The following CLSTN2 variants were observed in gnomAD, a reference collection of about 807,000 sequenced individuals.
CLSTN2 encodes the protein calsyntenin-2.
In CLSTN2, 48 loss-of-function variants were observed where a neutral mutation model predicts 101.2. That is an observed-to-expected ratio of 0.47 (90% CI 0.38 to 0.60). The LOEUF (loss-of-function observed/expected upper bound fraction) is 0.60. Among genes scored for constraint, CLSTN2 ranks in the 20% least tolerant of loss-of-function variants. The pLI is 0.00. For synonymous variants in CLSTN2, 481 were observed against 463.6 expected (o/e 1.04, Z -0.48); for missense variants, 1,160 against 1,238.2 (o/e 0.94, Z 0.95).
chr3:140,073,949 C>T (rs1191288548), intron 1 of CLSTN2, among the ~76,000 whole-genome samples: 1 of 152,142 alleles, frequency 6.6e-6, no homozygotes, highest in Non-Finnish European at 1.5e-5. Context: ...AAAGCAGACT[C>T]GGCTCTCTGG....
chr3:140,230,554 T>G (rs1406382052), intron 2 of CLSTN2, among the ~76,000 whole-genome samples: 1 of 152,170 alleles, frequency 6.6e-6, no homozygotes, highest in African/African-American at 2.4e-5. Flanking sequence ...AGTGCCTTTA[T>G]AAAACAGACC....
At chr3:140,187,442 C>G (rs746421113) in intron 2 of CLSTN2, among the ~76,000 whole-genome samples, 9 of 152,178 alleles carry the variant, frequency 5.9e-5, no homozygotes, top group Admixed American at 1.3e-4. Context: ...AAAGGCCTTT[C>G]TCTTCTGGCC....
At chr3:140,210,242 G>A (rs2010837728) in intron 2 of CLSTN2, among the ~76,000 whole-genome samples, 1 of 152,158 alleles carries the variant, frequency 6.6e-6, no homozygotes, top group Non-Finnish European at 1.5e-5. Flanking sequence ...CCTTCAGTTT[G>A]CCTGACTCTA....
intron 1 of CLSTN2, among the ~76,000 whole-genome samples, chr3:140,163,898 G>A (rs1374495052): frequency 3.3e-5 from 5 of 151,834 alleles, no homozygotes; most frequent in African/African-American, 1.2e-4. Context: ...TTTGTCAATG[G>A]CAATTACAGA....
intron 2 of CLSTN2, among the ~76,000 whole-genome samples, chr3:140,326,163 A>G (rs2087330611): frequency 6.6e-6 from 1 of 152,170 alleles, no homozygotes; most frequent in Non-Finnish European, 1.5e-5. Flanking sequence ...TGCCACCATT[A>G]TGGCTTTACT....
intron 7 of CLSTN2, among the ~76,000 whole-genome samples, chr3:140,465,127 A>T (rs920403437): frequency 6.6e-6 from 1 of 152,232 alleles, no homozygotes; most frequent in Non-Finnish European, 1.5e-5. Context: ...TAACCAAAAA[A>T]TCAAACTAAT....
intron 2 of CLSTN2, among the ~76,000 whole-genome samples, chr3:140,307,798 A>G (rs2087129574): frequency 6.6e-6 from 1 of 152,166 alleles, no homozygotes; most frequent in African/African-American, 2.4e-5. Flanking sequence ...TGAGCAGAGG[A>G]GTCTGAGTCA....
intron 2 of CLSTN2, among the ~76,000 whole-genome samples, chr3:140,203,745 C>T (rs868351959): frequency 6.6e-6 from 1 of 152,038 alleles, no homozygotes; most frequent in Admixed American, 6.6e-5. Flanking sequence ...CCTGGCAGTG[C>T]TTGTTTTGGA....
At chr3:140,141,995 C>T (rs1315751418) in intron 1 of CLSTN2, among the ~76,000 whole-genome samples, 4 of 152,206 alleles carry the variant, frequency 2.6e-5, no homozygotes, top group Non-Finnish European at 5.9e-5. Context: ...AAAAATGGAA[C>T]TGTTCAACTG....
At chr3:139,945,680 T>C (rs1260883244) in intron 1 of CLSTN2, among the ~76,000 whole-genome samples, 1 of 151,896 alleles carries the variant, frequency 6.6e-6, no homozygotes, top group Non-Finnish European at 1.5e-5. Flanking sequence ...CAAGTTGATG[T>C]GTTGTTTTCC....
chr3:139,953,401 C>A (rs1479222848), intron 1 of CLSTN2, among the ~76,000 whole-genome samples: 1 of 152,124 alleles, frequency 6.6e-6, no homozygotes. Flanking sequence ...CCCTGAACCT[C>A]TAGGGAAGAG....
At chr3:140,244,584 A>G (rs2086498717) in intron 2 of CLSTN2, among the ~76,000 whole-genome samples, 1 of 152,192 alleles carries the variant, frequency 6.6e-6, no homozygotes, top group Non-Finnish European at 1.5e-5. Flanking sequence ...CCTTAAGTTC[A>G]TGCCTGGCAC....
chr3:140,085,506 A>G (rs1370277807), intron 1 of CLSTN2, among the ~76,000 whole-genome samples: 1 of 152,182 alleles, frequency 6.6e-6, no homozygotes, highest in Non-Finnish European at 1.5e-5. Context: ...GGGAGAGGCC[A>G]GTTGGGCTGT....
At chr3:140,074,523 G>T in intron 1 of CLSTN2, among the ~76,000 whole-genome samples, 1 of 152,192 alleles carries the variant, frequency 6.6e-6, no homozygotes. Flanking sequence ...CTGGCTTCTT[G>T]CCCAAATTGG....
chr3:140,258,725 G>T (rs2086623836), intron 2 of CLSTN2, among the ~76,000 whole-genome samples: 1 of 151,938 alleles, frequency 6.6e-6, no homozygotes, highest in Non-Finnish European at 1.5e-5. Context: ...TTTTTTATGG[G>T]GCACAAGACC....
chr3:140,483,304 G>A (rs1188993164), intron 8 of CLSTN2, among the ~76,000 whole-genome samples: 1 of 152,190 alleles, frequency 6.6e-6, no homozygotes, highest in Non-Finnish European at 1.5e-5. Flanking sequence ...TGTGGTCTGA[G>A]AGACAGTTTG....
intron 2 of CLSTN2, among the ~76,000 whole-genome samples, chr3:140,275,313 C>A (rs140127744): frequency 6.6e-6 from 1 of 151,588 alleles, no homozygotes; most frequent in Admixed American, 6.6e-5. Flanking sequence ...CACTGTGGCA[C>A]CCAGGCTGGA....
At chr3:140,006,132 T>C (rs72981821) in intron 1 of CLSTN2, among the ~76,000 whole-genome samples, 6,831 of 152,314 alleles carry the variant, frequency 0.045, 165 homozygotes, top group Non-Finnish European at 0.054. Context: ...GGTTTTGTGG[T>C]TTCTCAGTGG....
intron 2 of CLSTN2, among the ~76,000 whole-genome samples, chr3:140,337,702 AG>A (rs1191470609): frequency 6.6e-6 from 1 of 152,180 alleles, no homozygotes; most frequent in East Asian, 1.9e-4. Context: ...TGCCTTCAGT[AG>A]GATTTCTTGA....
Sources: gnomAD v4.1 joint callset for allele counts (sites outside exome capture counted in the v4.1 genomes callset) on GRCh38, gnomAD v4.1.1 for gene constraint, MANE v1.5 for transcripts, NCBI Gene and HGNC (gene_info 2026-07-23, HGNC 2026-07-21) for gene names.